Variants in PRDM5 observed in about 807,000 individuals in gnomAD.
PRDM5 encodes the protein PR/SET domain 5, also known as PR domain zinc finger protein 5.
PRDM5 carries 56 observed loss-of-function variants against 81.2 expected under a neutral mutation model. The observed-to-expected ratio is 0.69, with a 90% CI of 0.56 to 0.86. The LOEUF is 0.86. Among genes scored for constraint, PRDM5 ranks in the 40% least tolerant of loss-of-function variants. PRDM5 has a pLI of 0.00. For missense variants in PRDM5, 697 were observed against 770.1 expected, an observed-to-expected ratio of 0.91 and a Z score of 1.12; for synonymous variants, 267 against 256.4, an observed-to-expected ratio of 1.04 and a Z score of -0.39.
chr4:120,750,253 C>T (rs1578587186), intron 14 of PRDM5, among the ~76,000 whole-genome samples: 1 of 152,164 alleles, frequency 6.6e-6, no homozygotes, highest in Non-Finnish European at 1.5e-5. Context: ...GATAAACCCA[C>T]AACCCTGAGA....
chr4:120,743,192 G>A (rs888552029), intron 14 of PRDM5, among the ~76,000 whole-genome samples: 5 of 151,620 alleles, frequency 3.3e-5, no homozygotes, highest in African/African-American at 7.3e-5. Flanking sequence ...CTTCATAAGT[G>A]AAGGAGAAAT....
intron 14 of PRDM5, among the ~76,000 whole-genome samples, chr4:120,741,400 T>C (rs1230051606): frequency 6.6e-6 from 1 of 151,778 alleles, no homozygotes; most frequent in Non-Finnish European, 1.5e-5. Context: ...TTGGTCAAAA[T>C]TTTTGGTTAT....
chr4:120,779,506 G>A (rs1254870536), intron 12 of PRDM5, among the ~76,000 whole-genome samples: 1 of 151,972 alleles, frequency 6.6e-6, no homozygotes, highest in Non-Finnish European at 1.5e-5. Context: ...TTTATTCAGA[G>A]AGCTAAAAAC....
At position 120,891,887 on chromosome 4, in the gene PRDM5, C is replaced by T. The variant is rs563921805; in HGVS notation, c.177+15587G>A. ...TCAAGCGATCCACCTGCCTCGGTCTCCCAAAGTACTGGGATTACAGGCATG... is the reference window on the plus strand; with the variant it reads ...TCAAGCGATCCACCTGCCTCGGTCTTCCAAAGTACTGGGATTACAGGCATG... On this transcript the variant is annotated intron_variant, in intron 2 of 15. Coordinates refer to ENST00000264808, the MANE Select transcript of PRDM5 (RefSeq NM_018699.4). 2.1e-4 allele frequency among the ~76,000 whole-genome samples: 32 copies of T among 152,288 alleles called. No homozygotes were observed. In the South Asian group the frequency reaches 6.6e-3, roughly 32 times the overall value.
chr4:120,733,358 C>T (rs1335691959), intron 14 of PRDM5, among the ~76,000 whole-genome samples: 3 of 152,168 alleles, frequency 2.0e-5, no homozygotes, highest in Non-Finnish European at 4.4e-5. Flanking sequence ...CAACGCACAC[C>T]TTGGGCTCTC....
intron 12 of PRDM5, 41 bp from the exon 13 acceptor site, chr4:120,777,322 G>C: frequency 6.2e-7 from 1 of 1,612,226 alleles, no homozygotes; most frequent in Non-Finnish European, 8.5e-7. Flanking sequence ...TAAATACAAA[G>C]AATTAGGTAA....
rs1378801452 is a variant in PRDM5 at position 120,693,500 on chromosome 4, C to T, written c.*1611G>A. ...CTATAATTTCAGATTCAAAATACTA[C>T]ATATAACTATACTTAAATATCTTCT... On this transcript the variant is annotated 3_prime_UTR_variant, in exon 16 of 16. Coordinates refer to ENST00000264808, the MANE Select transcript of PRDM5 (RefSeq NM_018699.4). 1 of 152,070 alleles carries T rather than the reference C, an allele frequency of 6.6e-6. No individual in the cohort carries two copies. The highest frequency in any genetic ancestry group is 1.5e-5 in the Non-Finnish European group (1 of 68,000). The allele number at this position is 152,070 out of a possible 1,614,324, so 9.4% of individuals were successfully genotyped here.
intron 14 of PRDM5, among the ~76,000 whole-genome samples, chr4:120,752,384 C>A (rs924653550): frequency 1.3e-5 from 2 of 152,176 alleles, no homozygotes; most frequent in African/African-American, 4.8e-5. Context: ...GGATCTTCTA[C>A]TCATTACTCA....
intron 13 of PRDM5, among the ~76,000 whole-genome samples, chr4:120,774,902 A>ATG (rs1553963975): frequency 3.8e-4 from 55 of 146,052 alleles, no homozygotes; most frequent in African/African-American, 1.3e-3. Context: ...ATATATATAT[A>ATG]TATATGTATA....
At chr4:120,894,476 C>A (rs1032569251) in intron 2 of PRDM5, among the ~76,000 whole-genome samples, 6 of 152,086 alleles carry the variant, frequency 3.9e-5, no homozygotes, top group Admixed American at 6.5e-5. Context: ...TTTCTTCTGG[C>A]GCAAGTCAGC....
intron 2 of PRDM5, among the ~76,000 whole-genome samples, chr4:120,887,790 T>G (rs1405062339): frequency 6.7e-5 from 6 of 88,988 alleles, no homozygotes; most frequent in South Asian, 4.0e-4. Context: ...TTTATCCTTT[T>G]TTTTTTTTTT....
chr4:120,816,455 G>A lies in PRDM5; in HGVS notation c.863C>T (p.Thr288Ile). ...ALKRHQENVH[T>I]GDPKKKLICS... ...ACGACCCTCCAACGACTCCTCACCA[G>A]TGTGGACATTTTCCTGGTGTCTTTT... is the stretch of plus-strand genomic sequence containing the variant. The change falls in exon 7 of 16, where the codon ACT becomes ATT. Residue 288 changes from threonine (T) to isoleucine (I), a missense_variant and splice_region_variant. This residue lies in a region of PRDM5 where 577 missense variants were observed against 606.7 expected (regional missense o/e 0.95). Coordinates refer to ENST00000264808, the MANE Select transcript of PRDM5 (RefSeq NM_018699.4). 1 of 1,614,198 alleles carries A rather than the reference G, an allele frequency of 6.2e-7. No individual in the cohort carries two copies. The highest frequency in any genetic ancestry group is 8.5e-7 in the Non-Finnish European group (1 of 1,180,032).
intron 1 of PRDM5, among the ~76,000 whole-genome samples, chr4:120,686,669 T>G (rs978298237): frequency 6.6e-6 from 1 of 152,074 alleles, no homozygotes; most frequent in African/African-American, 2.4e-5. Context: ...TTAAAGATTT[T>G]ATCTATTAAA....
intron 2 of PRDM5, among the ~76,000 whole-genome samples, chr4:120,897,976 G>A (rs1764835874): frequency 6.6e-6 from 1 of 152,048 alleles, no homozygotes; most frequent in African/African-American, 2.4e-5. Context: ...TTAGTGATAT[G>A]GTCCTATCTC....
At chr4:120,754,416 C>T in intron 14 of PRDM5, 137 bp downstream of exon 14, 13 of 523,422 alleles carry the variant, frequency 2.5e-5, no homozygotes, top group South Asian at 7.5e-5. Flanking sequence ...AAAAATTATC[C>T]TGAAATATCT....
rs139975395 is a variant in PRDM5 at position 120,741,340 on chromosome 4, C to T, written c.1623+13213G>A. Reference sequence around the variant, plus strand: ...AAATAGAATGAACCTTTTTCTTTTTCCTTCAACATCATGCTTACACTCACT... The same window carrying T: ...AAATAGAATGAACCTTTTTCTTTTTTCTTCAACATCATGCTTACACTCACT... On this transcript the variant is annotated intron_variant, in intron 14 of 15. Transcript: ENST00000264808. Among the ~76,000 whole-genome samples the T allele has an allele frequency of 7.3e-3, 1,112 of 151,982 alleles. 16 individuals are homozygous for T. The highest frequency in any genetic ancestry group is 9.6e-3 in the Admixed American group (146 of 15,280).
intron 3 of PRDM5, among the ~76,000 whole-genome samples, chr4:120,846,902 G>A (rs530794123): frequency 6.6e-6 from 1 of 152,080 alleles, no homozygotes; most frequent in Non-Finnish European, 1.5e-5. Flanking sequence ...GAATGAATGA[G>A]TTAAGTAACT....
intron 14 of PRDM5, among the ~76,000 whole-genome samples, chr4:120,727,183 A>C (rs1280138702): frequency 6.6e-6 from 1 of 152,164 alleles, no homozygotes; most frequent in Non-Finnish European, 1.5e-5. Flanking sequence ...TTCCAGTAAA[A>C]TGTTCATTTT....
intron 13 of PRDM5, 56 bp from the exon 14 acceptor site, chr4:120,754,694 T>C (rs1448553646): frequency 1.6e-6 from 2 of 1,221,910 alleles, no homozygotes; most frequent in Non-Finnish European, 1.2e-6. Flanking sequence ...GAACCAGTCC[T>C]GTGCTATCAC....
Sources: allele counts gnomAD v4.1 joint callset (sites outside exome capture counted in the v4.1 genomes callset), GRCh38; gene constraint gnomAD v4.1.1; regional missense constraint gnomAD v4.1.1; transcripts MANE v1.5; gene names NCBI Gene and HGNC (gene_info 2026-07-23, HGNC 2026-07-21).